The following OTUD7A variants were observed in gnomAD, a reference collection of about 807,000 sequenced individuals.
OTUD7A encodes OTU deubiquitinase 7A.
Under a neutral mutation model 65.7 loss-of-function variants are expected in OTUD7A, and 12 were observed. The observed-to-expected ratio is 0.18, with a 90% CI of 0.12 to 0.30. The LOEUF (loss-of-function observed/expected upper bound fraction) is 0.30, where lower values mean the gene tolerates loss of function less well. OTUD7A is among the 10% of genes least tolerant of loss of function. The probability of loss-of-function intolerance (pLI) is 1.00; values close to 1 mark genes in which losing one functional copy is unlikely to be tolerated. For missense variants in OTUD7A, 1,148 were observed against 1,304.8 expected (o/e 0.88, Z 1.85); for synonymous variants, 641 against 586.3 (o/e 1.09, Z -1.35).
At chr15:31,756,103 T>G (rs1469058319) in intron 1 of OTUD7A, among the ~76,000 whole-genome samples, 1 of 152,162 alleles carries the variant, frequency 6.6e-6, no homozygotes, top group Non-Finnish European at 1.5e-5. Context: ...GGCCATGGAG[T>G]TAGCTGTGCC....
chr15:31,751,602 A>G (rs1007017632), intron 1 of OTUD7A, among the ~76,000 whole-genome samples: 3 of 152,246 alleles, frequency 2.0e-5, no homozygotes, highest in South Asian at 4.1e-4. Flanking sequence ...TACCCAAAAG[A>G]TACAAGCATA....
chr15:31,618,461 G>T (rs897049258), intron 3 of OTUD7A, among the ~76,000 whole-genome samples: 19 of 152,098 alleles, frequency 1.2e-4, no homozygotes, highest in African/African-American at 4.6e-4. Context: ...ACTTTTTAAT[G>T]ATTGCCATTC....
At chr15:31,806,203 T>C (rs114649830) in intron 1 of OTUD7A, among the ~76,000 whole-genome samples, 2,380 of 152,320 alleles carry the variant, frequency 0.016, 67 homozygotes, top group African/African-American at 0.054. Context: ...TTTGCTTCAG[T>C]TGATATCATT....
intron 10 of OTUD7A, among the ~76,000 whole-genome samples, chr15:31,496,065 CA>C (rs34962324): frequency 0.42 from 37,141 of 88,102 alleles, 4,521 homozygotes; most frequent in East Asian, 0.53. Context: ...AACCCCATCT[CA>C]AAAAAAAAAA....
Position 31,483,797 on chromosome 15 carries a change from C to T in OTUD7A, c.2299G>A (p.Gly767Ser). The T allele has an allele frequency of 9.7e-7, 1 of 1,031,382 alleles. No individual in the cohort carries two copies. Among genetic ancestry groups the T allele is most frequent in the Non-Finnish European group, 1.2e-6 (1 of 861,916 alleles). 63.9% of individuals were successfully genotyped at this position (1,031,382 alleles called of 1,614,324 possible). A position where few individuals can be genotyped will look rare whatever the true frequency, so the allele number is the denominator to read the frequency against. The part of the protein sequence containing the change: ...RRASASGPVP[G>S]RSPPAPARQS... Reference sequence around the variant, plus strand: ...CGCGCTGGCGCCGGGGGGCTGCGGCCAGGCACTGGTCCGCTGGCGCTCGCA... The same window carrying T: ...CGCGCTGGCGCCGGGGGGCTGCGGCTAGGCACTGGTCCGCTGGCGCTCGCA... The change falls in exon 13 of 13, where the codon GGC (glycine) becomes AGC (serine). Residue 767 changes from glycine (G) to serine (S), a missense_variant. Transcript: ENST00000307050.
intron 5 of OTUD7A, among the ~76,000 whole-genome samples, chr15:31,540,228 TCAC>T (rs1191108460): frequency 1.3e-5 from 2 of 152,154 alleles, no homozygotes; most frequent in African/African-American, 4.8e-5. Context: ...CATTGAAAAA[TCAC>T]CACACTTTCC....
intron 10 of OTUD7A, among the ~76,000 whole-genome samples, chr15:31,499,620 G>T (rs2041434785): frequency 6.6e-6 from 1 of 152,386 alleles, no homozygotes; most frequent in African/African-American, 2.4e-5. Flanking sequence ...GTCTAAGGGG[G>T]CACAAGGGTG....
At position 31,791,998 on chromosome 15, in the gene OTUD7A, C is replaced by G. The variant is rs568418318; in HGVS notation, c.-100+78509G>C. On this transcript the variant is annotated intron_variant, in intron 1 of 12. Coordinates refer to ENST00000307050, the MANE Select transcript of OTUD7A (RefSeq NM_001382637.1). ...ACTTCACATGCCTACTCACTGCAAA[C>G]CAAGTACTGCCCAACCAGGACTCTT... Among the ~76,000 whole-genome samples the G allele has an allele frequency of 5.3e-5, 8 of 152,292 alleles. No homozygotes were observed. The South Asian group carries it at 1.7e-3, about 32-fold the overall frequency.
chr15:31,723,092 T>C (rs1362538591), intron 1 of OTUD7A, among the ~76,000 whole-genome samples: 2 of 152,006 alleles, frequency 1.3e-5, no homozygotes, highest in Non-Finnish European at 2.9e-5. Context: ...GAGTGGAAGA[T>C]AGGATGCAGG....
intron 8 of OTUD7A, among the ~76,000 whole-genome samples, chr15:31,518,594 A>T (rs2041895042): frequency 6.6e-6 from 1 of 152,230 alleles, no homozygotes; most frequent in Admixed American, 6.5e-5. Flanking sequence ...CACTAGTCCA[A>T]CCACTGCCTT....
chr15:31,504,422 C>T lies in OTUD7A; in HGVS notation c.894-604G>A, dbSNP rs377544075. Among the ~76,000 whole-genome samples the T allele has an allele frequency of 9.2e-5, 14 of 152,312 alleles. No individual in the cohort carries two copies. In the South Asian group the frequency reaches 1.4e-3, roughly 16 times the overall value. On this transcript the variant is annotated intron_variant, in intron 8 of 12. Coordinates refer to ENST00000307050, the MANE Select transcript of OTUD7A (RefSeq NM_001382637.1). ...CCCTCCCTGACCATGCCCAGGCTCA[C>T]GTCTGAGGATCAGGGAAACCGCAGG... is the stretch of plus-strand genomic sequence containing the variant.
intron 8 of OTUD7A, among the ~76,000 whole-genome samples, chr15:31,513,337 C>T (rs1187844431): frequency 6.6e-6 from 1 of 152,210 alleles, no homozygotes; most frequent in Non-Finnish European, 1.5e-5. Context: ...TTTCTATGAA[C>T]AGAACATCCT....
chr15:31,568,283 C>T (rs941306859), intron 4 of OTUD7A, among the ~76,000 whole-genome samples: 5 of 152,258 alleles, frequency 3.3e-5, no homozygotes, highest in African/African-American at 1.2e-4. Flanking sequence ...GGATGTGAGA[C>T]ATGGAGTCAA....
Position 31,570,144 on chromosome 15 carries a change from C to G in OTUD7A, c.205G>C (p.Val69Leu). ...ACATGTGGCAGATTGGCTGTGTGCA[C>G]CTGGCGGAGCTGCTCATAGTCGCTC... ...ALSDYEQLRQ[V>L]HTANLPHVFN... The change falls in exon 4 of 13, where the codon GTG (valine) becomes CTG (leucine). Residue 69 changes from valine (V) to leucine (L), a missense_variant. Physicochemically the swap from Val to Leu is conservative, Grantham distance 32. This residue lies in a region of OTUD7A where 51 missense variants were observed against 46.9 expected (regional missense o/e 1.09). Coordinates refer to ENST00000307050, the MANE Select transcript of OTUD7A (RefSeq NM_001382637.1). 2 of 1,614,186 alleles carry G rather than the reference C, an allele frequency of 1.2e-6. No homozygotes were observed. The highest frequency in any genetic ancestry group is 1.7e-6 in the Non-Finnish European group (2 of 1,180,032).
intron 8 of OTUD7A, among the ~76,000 whole-genome samples, chr15:31,509,628 A>C (rs1371240000): frequency 6.6e-6 from 1 of 152,118 alleles, no homozygotes; most frequent in Non-Finnish European, 1.5e-5. Context: ...TGTAGGTAAA[A>C]ATTCATATTT....
intron 1 of OTUD7A, among the ~76,000 whole-genome samples, chr15:31,821,894 G>A (rs139326791): frequency 1.4e-4 from 22 of 152,182 alleles, no homozygotes; most frequent in African/African-American, 5.3e-4. Flanking sequence ...TGTGTTTACT[G>A]GCCATTTGTA....
chr15:31,755,073 G>T (rs2140896771), intron 1 of OTUD7A, among the ~76,000 whole-genome samples: 1 of 151,700 alleles, frequency 6.6e-6, no homozygotes, highest in South Asian at 2.1e-4. Flanking sequence ...GTGTGTGTGT[G>T]TGTGTGTGAA....
intron 1 of OTUD7A, among the ~76,000 whole-genome samples, chr15:31,672,044 A>G (rs1892497394): frequency 6.6e-6 from 1 of 152,198 alleles, no homozygotes; most frequent in Non-Finnish European, 1.5e-5. Context: ...AAATTCTTAA[A>G]TTAATATTAA....
chr15:31,839,204 C>A (rs1218068709), intron 1 of OTUD7A, among the ~76,000 whole-genome samples: 1 of 152,228 alleles, frequency 6.6e-6, no homozygotes, highest in Non-Finnish European at 1.5e-5. Context: ...CCAGCAGTGG[C>A]CCCAGGCTCC....
Sources: gnomAD v4.1 joint callset for allele counts (sites outside exome capture counted in the v4.1 genomes callset) on GRCh38, gnomAD v4.1.1 for gene constraint, gnomAD v4.1.1 regional missense constraint, MANE v1.5 for transcripts, NCBI Gene and HGNC (gene_info 2026-07-23, HGNC 2026-07-21) for gene names.